HHAT: variants seen among roughly 807,000 people sequenced by gnomAD.
HHAT encodes the protein protein-cysteine N-palmitoyltransferase HHAT.
A neutral mutation model predicts 70.8 loss-of-function variants in HHAT; 47 were observed. That is an observed-to-expected ratio of 0.66 (90% CI 0.53 to 0.85). HHAT has a LOEUF of 0.85. Among genes scored for constraint, HHAT ranks in the 40% least tolerant of loss-of-function variants. The pLI, the probability that HHAT is intolerant of heterozygous loss-of-function variation, is 0.00. For synonymous variants in HHAT, 228 were observed against 247.6 expected (o/e 0.92, Z 0.74); for missense variants, 609 against 604.8 (o/e 1.01, Z -0.07).
At chr1:210,512,803 TCTC>T in intron 8 of HHAT, among the ~76,000 whole-genome samples, 1 of 151,580 alleles carries the variant, frequency 6.6e-6, no homozygotes, top group Non-Finnish European at 1.5e-5. Context: ...ACCTGGGAGA[TCTC>T]CTCTCATGGC....
chr1:210,396,610 A>C (rs1391134134), intron 4 of HHAT, among the ~76,000 whole-genome samples: 1 of 152,244 alleles, frequency 6.6e-6, no homozygotes, highest in East Asian at 1.9e-4. Context: ...AGAGAAATGA[A>C]AACTTATTTT....
chr1:210,615,246 T>A (rs1021028674), intron 10 of HHAT, among the ~76,000 whole-genome samples: 8 of 152,250 alleles, frequency 5.3e-5, no homozygotes, highest in Non-Finnish European at 1.0e-4. Flanking sequence ...CTTCACCCAC[T>A]TTTTGATGGG....
rs541795412 is a variant in HHAT at position 210,336,287 on chromosome 1, A to ATTTTTTTTTTTTTTTTTTT, written c.-44+7188_-44+7206dup. ...AGGCATGCACCACTGTGCCTGGCTA[A>ATTTTTTTTTTTTTTTTTTT]TTTTTTTTTTTTTTTTTTTTTTTAG... On this transcript the variant is annotated intron_variant, in intron 1 of 11. Coordinates refer to ENST00000261458, the MANE Select transcript of HHAT (RefSeq NM_018194.6). Among the ~76,000 whole-genome samples the ATTTTTTTTTTTTTTTTTTT allele has an allele frequency of 8.7e-3, 736 of 84,530 alleles. 76 individuals are homozygous for ATTTTTTTTTTTTTTTTTTT. The highest frequency in any genetic ancestry group is 0.013 in the Non-Finnish European group (547 of 42,304). 55.5% of individuals were successfully genotyped at this position (84,530 alleles called of 152,430 possible). A position where few individuals can be genotyped will look rare whatever the true frequency, so the allele number is the denominator to read the frequency against.
intron 11 of HHAT, among the ~76,000 whole-genome samples, chr1:210,645,746 G>A (rs1673915420): frequency 6.6e-6 from 1 of 152,162 alleles, no homozygotes; most frequent in African/African-American, 2.4e-5. Context: ...TGCTTGAAAT[G>A]TTAGTTCAGT....
In HHAT at chr1:210,629,852, GT is replaced by G. The variant is rs367905358; in HGVS notation, c.1390+6194del. 6.8e-4 allele frequency among the ~76,000 whole-genome samples: 97 copies of G among 142,406 alleles called. 1 individual carries two copies. Among genetic ancestry groups the G allele is most frequent in the East Asian group, 4.3e-3 (21 of 4,904 alleles). 93.4% of individuals were successfully genotyped at this position (142,406 alleles called of 152,430 possible). A position where few individuals can be genotyped will look rare whatever the true frequency, so the allele number is the denominator to read the frequency against. On this transcript the variant is annotated intron_variant, in intron 11 of 11. Transcript: ENST00000261458. The stretch of plus-strand genomic sequence containing the variant: ...GTTTTTTTTTTGTTTTTTGTTTTTT[GT>G]TTTTTTTTTTTGAGACGGAGTCTCT...
chr1:210,543,867 C>T (rs2095455837), intron 9 of HHAT, among the ~76,000 whole-genome samples: 1 of 152,140 alleles, frequency 6.6e-6, no homozygotes, highest in Non-Finnish European at 1.5e-5. Flanking sequence ...TTCATCGAGG[C>T]CTCATATCCA....
At chr1:210,446,692 C>T (rs1340397763) in intron 7 of HHAT, among the ~76,000 whole-genome samples, 1 of 152,222 alleles carries the variant, frequency 6.6e-6, no homozygotes, top group Non-Finnish European at 1.5e-5. Context: ...CTTTTATGAG[C>T]TGTTCCTTCA....
chr1:210,420,560 C>T (rs763944001), intron 7 of HHAT, among the ~76,000 whole-genome samples: 8 of 151,832 alleles, frequency 5.3e-5, no homozygotes, highest in East Asian at 1.9e-4. Context: ...TGCTAAATAA[C>T]GAGTTGATGG....
intron 6 of HHAT, among the ~76,000 whole-genome samples, chr1:210,407,048 A>G (rs904956436): frequency 6.6e-6 from 1 of 152,082 alleles, no homozygotes; most frequent in African/African-American, 2.4e-5. Context: ...GTTCAGTAAG[A>G]TATAGGGCAA....
intron 3 of HHAT, among the ~76,000 whole-genome samples, chr1:210,381,588 ATTT>A (rs1012737374): frequency 2.0e-5 from 3 of 152,084 alleles, no homozygotes; most frequent in African/African-American, 7.2e-5. Flanking sequence ...GCCTCAAATC[ATTT>A]TTAAGGCTTA....
intron 11 of HHAT, among the ~76,000 whole-genome samples, chr1:210,628,854 C>G (rs1670336306): frequency 6.6e-6 from 1 of 152,172 alleles, no homozygotes; most frequent in South Asian, 2.1e-4. Flanking sequence ...TCATTCCCAT[C>G]ATATCTTCTT....
chr1:210,650,654 C>A (rs1157389099), intron 11 of HHAT, among the ~76,000 whole-genome samples: 2 of 152,268 alleles, frequency 1.3e-5, no homozygotes, highest in East Asian at 3.9e-4. Context: ...AGCTCTTAAT[C>A]AGAGCATTTG....
intron 8 of HHAT, among the ~76,000 whole-genome samples, chr1:210,475,559 G>A (rs139347412): frequency 3.2e-4 from 49 of 152,260 alleles, no homozygotes; most frequent in African/African-American, 1.1e-3. Flanking sequence ...GTGACCTGAG[G>A]GCAGGGGAAG....
At chr1:210,598,655 C>A (rs1663557120) in intron 10 of HHAT, among the ~76,000 whole-genome samples, 5 of 152,166 alleles carry the variant, frequency 3.3e-5, no homozygotes, top group Admixed American at 3.3e-4. Context: ...ATCTTTCTCC[C>A]CCAAGTGTAC....
chr1:210,659,555 CT>C (rs1677193353), intron 11 of HHAT, among the ~76,000 whole-genome samples: 3 of 152,308 alleles, frequency 2.0e-5, no homozygotes, highest in South Asian at 2.1e-4. Flanking sequence ...GGAATCCCCC[CT>C]AACTCATTTT....
intron 6 of HHAT, among the ~76,000 whole-genome samples, chr1:210,414,834 G>T (rs2092672160): frequency 6.6e-6 from 1 of 152,036 alleles, no homozygotes; most frequent in Admixed American, 6.6e-5. Context: ...CCTGGCCAAT[G>T]TGGAGAAACC....
At position 210,503,072 on chromosome 1, in the gene HHAT, G is replaced by T. The variant is rs563057776; in HGVS notation, c.1008-10081G>T. 5.7e-4 allele frequency among the ~76,000 whole-genome samples: 86 copies of T among 152,034 alleles called. 1 individual carries two copies. Among genetic ancestry groups the T allele is most frequent in the African/African-American group, 1.9e-3 (80 of 41,468 alleles). On this transcript the variant is annotated intron_variant, in intron 8 of 11. Transcript: ENST00000261458. ...CCTCCTGGGTTCAGGTGATTCTCATGCCTCAGCCTCCCGAGTAGCTAGGAC... is the reference window on the plus strand; with the variant it reads ...CCTCCTGGGTTCAGGTGATTCTCATTCCTCAGCCTCCCGAGTAGCTAGGAC...
At chr1:210,438,636 G>A (rs2093434710) in intron 7 of HHAT, among the ~76,000 whole-genome samples, 2 of 151,686 alleles carry the variant, frequency 1.3e-5, no homozygotes, top group Non-Finnish European at 2.9e-5. Context: ...GGCTGTTTTA[G>A]GGTCTTTAGG....
intron 8 of HHAT, among the ~76,000 whole-genome samples, chr1:210,493,322 A>T (rs1368004663): frequency 6.6e-6 from 1 of 152,172 alleles, no homozygotes; most frequent in Non-Finnish European, 1.5e-5. Flanking sequence ...TCTGCAGGGC[A>T]GGCTGGCAGA....
Sources: allele counts gnomAD v4.1 joint callset (sites outside exome capture counted in the v4.1 genomes callset), GRCh38; gene constraint gnomAD v4.1.1; transcripts MANE v1.5; gene names NCBI Gene and HGNC (gene_info 2026-07-23, HGNC 2026-07-21).